BRINP2: variants seen among roughly 807,000 people sequenced by gnomAD.
The protein encoded by BRINP2 is BMP/retinoic acid inducible neural specific 2, also known as BMP/retinoic acid-inducible neural-specific protein 2.
BRINP2 carries 21 observed loss-of-function variants against 69.2 expected under a neutral mutation model. The observed-to-expected ratio is 0.30, with a 90% confidence interval of 0.22 to 0.44. BRINP2 has a LOEUF of 0.44. BRINP2 is among the 20% of genes least tolerant of loss of function. The pLI is 1.00. For missense variants in BRINP2, 877 were observed against 986.0 expected (o/e 0.89, Z 1.48); for synonymous variants, 380 against 394.1 (o/e 0.96, Z 0.42).
chr1:177,268,773 A>G (rs1015020003), intron 4 of BRINP2, among the ~76,000 whole-genome samples: 3 of 152,120 alleles, frequency 2.0e-5, no homozygotes, highest in Non-Finnish European at 4.4e-5. Context: ...CCTTTAGAGT[A>G]TTGTCTGGCA....
intron 5 of BRINP2, among the ~76,000 whole-genome samples, chr1:177,274,264 C>CT (rs1427715984): frequency 6.6e-6 from 1 of 152,244 alleles, no homozygotes; most frequent in East Asian, 1.9e-4. Flanking sequence ...CTCTTGCTGT[C>CT]TGTTCCCTGC....
At chr1:177,195,979 C>T (rs962708390) in intron 1 of BRINP2, among the ~76,000 whole-genome samples, 1 of 152,150 alleles carries the variant, frequency 6.6e-6, no homozygotes, top group Non-Finnish European at 1.5e-5. Context: ...TGATACCTTC[C>T]TCCCTGGGTT....
chr1:177,203,260 T>C (rs912632313), intron 1 of BRINP2, among the ~76,000 whole-genome samples: 2 of 151,894 alleles, frequency 1.3e-5, no homozygotes, highest in Non-Finnish European at 2.9e-5. Context: ...GTCTCACTCA[T>C]AGGTGGGAAT....
At chr1:177,237,045 G>C (rs542085856) in intron 2 of BRINP2, among the ~76,000 whole-genome samples, 1 of 152,238 alleles carries the variant, frequency 6.6e-6, no homozygotes, top group South Asian at 2.1e-4. Context: ...TTACATTTCT[G>C]CTTTGGAAAA....
intron 1 of BRINP2, among the ~76,000 whole-genome samples, chr1:177,229,074 T>C (rs1216580025): frequency 6.6e-6 from 1 of 152,172 alleles, no homozygotes; most frequent in Non-Finnish European, 1.5e-5. Context: ...ATTATGGATA[T>C]CCTTGAGAGC....
At chr1:177,266,865 G>A (rs1324641350) in intron 4 of BRINP2, among the ~76,000 whole-genome samples, 4 of 150,666 alleles carry the variant, frequency 2.7e-5, no homozygotes, top group Admixed American at 6.6e-5. Flanking sequence ...TCAAACATAT[G>A]CCTCTTTTAT....
At chr1:177,237,188 T>C (rs2102330702) in intron 2 of BRINP2, among the ~76,000 whole-genome samples, 1 of 152,302 alleles carries the variant, frequency 6.6e-6, no homozygotes, top group East Asian at 1.9e-4. Context: ...TACCACACCA[T>C]ACTTTTGCAC....
At chr1:177,235,564 T>C (rs1649996172) in intron 2 of BRINP2, among the ~76,000 whole-genome samples, 2 of 152,098 alleles carry the variant, frequency 1.3e-5, no homozygotes, top group Non-Finnish European at 2.9e-5. Flanking sequence ...AGGAGGCAGA[T>C]AGCAGCTGTG....
chr1:177,203,027 C>T lies in BRINP2; in HGVS notation c.-76-26774C>T, dbSNP rs562679978. On this transcript the variant is annotated intron_variant, in intron 1 of 7. Transcript: ENST00000361539. ...ATGCTGCTATAAAGACACATGCACA[C>T]GTATGTTTATTGTGGCACTATTCAC... is the stretch of plus-strand genomic sequence containing the variant. Among the ~76,000 whole-genome samples the T allele has an allele frequency of 6.6e-5, 10 of 152,056 alleles. No homozygotes were observed. The East Asian group carries it at 1.7e-3, about 26-fold the overall frequency.
intron 2 of BRINP2, among the ~76,000 whole-genome samples, chr1:177,247,761 T>A (rs1005953806): frequency 6.6e-6 from 1 of 152,228 alleles, no homozygotes; most frequent in African/African-American, 2.4e-5. Flanking sequence ...GCCTTAAGAC[T>A]TCCCCACAGT....
chr1:177,273,492 C>A lies in BRINP2; in HGVS notation c.674C>A (p.Thr225Asn), dbSNP rs754482051. ...IQIATGAIKV[T>N]ETRTGPLGCS... ...CCCTACTCCTTCCTTCTCTAGGTCA[C>A]CGAGACCAGGACCGGTCCTCTGGGC... Residue 225 changes from threonine to asparagine, a missense_variant, in exon 5 of 8, where the codon ACC (threonine) becomes AAC (asparagine). Coordinates refer to ENST00000361539, the MANE Select transcript of BRINP2 (RefSeq NM_021165.4). 6 of 1,608,990 alleles carry A rather than the reference C, an allele frequency of 3.7e-6. No individual in the cohort carries two copies. The highest frequency in any genetic ancestry group is 5.1e-6 in the Non-Finnish European group (6 of 1,177,702).
intron 1 of BRINP2, among the ~76,000 whole-genome samples, chr1:177,177,505 G>A (rs996424514): frequency 2.6e-5 from 4 of 152,122 alleles, no homozygotes; most frequent in African/African-American, 9.7e-5. Flanking sequence ...GTTTTCACAA[G>A]CTTTCTCTCA....
chr1:177,254,473 T>C (rs1364357879), intron 2 of BRINP2, among the ~76,000 whole-genome samples: 1 of 152,012 alleles, frequency 6.6e-6, no homozygotes, highest in Non-Finnish European at 1.5e-5. Flanking sequence ...TCCTGACCCT[T>C]GGGTACATGT....
chr1:177,247,266 T>C (rs1389061928), intron 2 of BRINP2, among the ~76,000 whole-genome samples: 2 of 152,226 alleles, frequency 1.3e-5, no homozygotes, highest in African/African-American at 4.8e-5. Flanking sequence ...TGGTACTTAT[T>C]GATTTTCCTC....
At chr1:177,212,851 A>C (rs747315542) in intron 1 of BRINP2, among the ~76,000 whole-genome samples, 1 of 152,216 alleles carries the variant, frequency 6.6e-6, no homozygotes, top group Non-Finnish European at 1.5e-5. Context: ...AGGAGCACTA[A>C]TTCCTTTTAG....
intron 2 of BRINP2, among the ~76,000 whole-genome samples, chr1:177,248,488 T>C (rs890169199): frequency 4.0e-5 from 6 of 150,764 alleles, no homozygotes; most frequent in East Asian, 3.9e-4. Flanking sequence ...TGTGTGTGTG[T>C]GCGTGCGTGT....
chr1:177,176,734 C>A (rs1321997070), intron 1 of BRINP2, among the ~76,000 whole-genome samples: 1 of 151,346 alleles, frequency 6.6e-6, no homozygotes, highest in Non-Finnish European at 1.5e-5. Flanking sequence ...TCAAGAAGGG[C>A]ACAAATAGCA....
At chr1:177,278,237 G>A (rs1403129962) in intron 6 of BRINP2, among the ~76,000 whole-genome samples, 1 of 152,124 alleles carries the variant, frequency 6.6e-6, no homozygotes, top group Non-Finnish European at 1.5e-5. Context: ...TTAGAAGGAA[G>A]TATAAAGGGG....
intron 7 of BRINP2, among the ~76,000 whole-genome samples, chr1:177,279,291 G>A (rs934663385): frequency 3.3e-5 from 5 of 152,166 alleles, no homozygotes; most frequent in South Asian, 2.1e-4. Context: ...TTTTGAATCC[G>A]TATTCCATGC....
Sources: gnomAD v4.1 joint callset for allele counts (sites outside exome capture counted in the v4.1 genomes callset) on GRCh38, gnomAD v4.1.1 for gene constraint, MANE v1.5 for transcripts, NCBI Gene and HGNC (gene_info 2026-07-23, HGNC 2026-07-21) for gene names.